Variants in TTC28 observed in about 807,000 individuals in gnomAD.
TTC28 encodes tetratricopeptide repeat protein 28.
Under a neutral mutation model 198.0 loss-of-function variants are expected in TTC28, and 61 were observed. The observed-to-expected ratio is 0.31, with a 90% CI of 0.25 to 0.38. The LOEUF is 0.38. TTC28 is among the 10% of genes least tolerant of loss of function. The pLI, the probability that TTC28 is intolerant of heterozygous loss-of-function variation, is 1.00. For synonymous variants in TTC28, 1,171 were observed against 1,297.8 expected (o/e 0.90, Z 2.10); for missense variants, 2,678 against 3,164.0 (o/e 0.85, Z 3.69).
Position 28,101,172 on chromosome 22 carries a change from T to C in TTC28, c.3416A>G (p.Gln1139Arg), listed in dbSNP as rs757991345. 4 of 1,548,752 alleles carry C rather than the reference T, an allele frequency of 2.6e-6. No homozygotes were observed. Among genetic ancestry groups the C allele is most frequent in the Non-Finnish European group, 8.7e-7 (1 of 1,145,630 alleles). The change falls in exon 9 of 23, where the codon CAG becomes CGG. Residue 1139 changes from glutamine (Q) to arginine (R), a missense_variant and splice_region_variant. Physicochemically the swap from Gln to Arg is conservative, Grantham distance 43. This residue lies in a region of TTC28 where 727 missense variants were observed against 861.9 expected (regional missense o/e 0.84). Transcript: ENST00000397906. ...ACTTCAGTCAGGGGTTCTGCTTACC[T>C]GGTGTTGGGCCTCCTCCAAGTTTCC... ...ASGNLEEAQH[Q>R]LYRASALFET...
chr22:28,212,517 G>GA (rs1927075359), intron 5 of TTC28, among the ~76,000 whole-genome samples: 1 of 132,612 alleles, frequency 7.5e-6, no homozygotes, highest in South Asian at 3.0e-4. Flanking sequence ...AAATAAACTA[G>GA]AAAATCTAGA....
intron 2 of TTC28, among the ~76,000 whole-genome samples, chr22:28,482,210 T>C (rs1036386962): frequency 1.5e-4 from 7 of 47,958 alleles, no homozygotes; most frequent in African/African-American, 5.0e-4. Context: ...GGGCAGTCTT[T>C]TTTTTTTTTT....
chr22:28,323,647 AAG>A (rs1340217664), intron 2 of TTC28, among the ~76,000 whole-genome samples: 1 of 152,212 alleles, frequency 6.6e-6, no homozygotes, highest in Non-Finnish European at 1.5e-5. Context: ...GGAAAAATCT[AAG>A]AGTTATTAGC....
chr22:28,487,191 T>C (rs1474631353), intron 2 of TTC28, among the ~76,000 whole-genome samples: 1 of 152,088 alleles, frequency 6.6e-6, no homozygotes, highest in Non-Finnish European at 1.5e-5. Context: ...CTAGTTTTTA[T>C]AGCACATGGG....
At chr22:27,990,929 C>A in intron 19 of TTC28, 117 bp from the exon 20 acceptor site, 1 of 1,040,064 alleles carries the variant, frequency 9.6e-7, no homozygotes, top group South Asian at 1.6e-5. Flanking sequence ...CCACACCAGG[C>A]CCGCGGCTCT....
chr22:28,483,030 T>C (rs2048273781), intron 2 of TTC28, among the ~76,000 whole-genome samples: 1 of 152,204 alleles, frequency 6.6e-6, no homozygotes, highest in Admixed American at 6.5e-5. Context: ...TACTATGCTA[T>C]ATATTTGTTT....
chr22:28,573,507 A>G (rs1227756744), intron 2 of TTC28, among the ~76,000 whole-genome samples: 1 of 152,024 alleles, frequency 6.6e-6, no homozygotes, highest in African/African-American at 2.4e-5. Flanking sequence ...AATAAAGAAC[A>G]GAAAAATGCA....
intron 2 of TTC28, among the ~76,000 whole-genome samples, chr22:28,512,615 G>C (rs1331765152): frequency 6.6e-6 from 1 of 152,184 alleles, no homozygotes; most frequent in African/African-American, 2.4e-5. Context: ...ATAAAATAAT[G>C]TCCTTTGCAG....
intron 2 of TTC28, among the ~76,000 whole-genome samples, chr22:28,550,509 G>A (rs550488881): frequency 6.6e-6 from 1 of 152,100 alleles, no homozygotes; most frequent in East Asian, 1.9e-4. Context: ...CACTGTTAAA[G>A]ACTAATCAAG....
At chr22:28,120,925 A>G (rs916301819) in intron 6 of TTC28, among the ~76,000 whole-genome samples, 10 of 152,226 alleles carry the variant, frequency 6.6e-5, no homozygotes, top group Admixed American at 6.5e-4. Flanking sequence ...GCATAATGCT[A>G]TCAAAACAAG....
chr22:28,528,090 A>G (rs1443603510), intron 2 of TTC28, among the ~76,000 whole-genome samples: 1 of 152,168 alleles, frequency 6.6e-6, no homozygotes, highest in Non-Finnish European at 1.5e-5. Flanking sequence ...ATTTCCAACA[A>G]ATGAAATTTG....
chr22:28,023,228 C>T (rs1381023916), intron 13 of TTC28, among the ~76,000 whole-genome samples: 4 of 152,218 alleles, frequency 2.6e-5, no homozygotes, highest in Admixed American at 2.0e-4. Context: ...CCTGCAGGAG[C>T]CACGGCAGCA....
intron 5 of TTC28, among the ~76,000 whole-genome samples, chr22:28,176,722 C>A (rs965486497): frequency 2.0e-5 from 3 of 152,090 alleles, no homozygotes; most frequent in African/African-American, 7.2e-5. Context: ...AAGAGAAATA[C>A]ATTTTTTAAT....
chr22:28,150,154 T>C (rs551666606), intron 6 of TTC28, among the ~76,000 whole-genome samples: 162 of 152,282 alleles, frequency 1.1e-3, no homozygotes, highest in Middle Eastern at 6.8e-3. Flanking sequence ...AGGTATAAAA[T>C]CATAAGCATA....
At chr22:28,585,714 C>T (rs1031120688) in intron 2 of TTC28, among the ~76,000 whole-genome samples, 11 of 152,056 alleles carry the variant, frequency 7.2e-5, no homozygotes, top group African/African-American at 2.7e-4. Flanking sequence ...CCAAGGACAC[C>T]GTGGTGGAGC....
intron 2 of TTC28, among the ~76,000 whole-genome samples, chr22:28,429,427 C>T (rs1287259633): frequency 6.6e-6 from 1 of 152,120 alleles, no homozygotes; most frequent in Non-Finnish European, 1.5e-5. Context: ...AACATACTTG[C>T]CTCGATTTAC....
At chr22:28,452,467 T>C (rs893208640) in intron 2 of TTC28, among the ~76,000 whole-genome samples, 1 of 146,776 alleles carries the variant, frequency 6.8e-6, no homozygotes, top group Non-Finnish European at 1.5e-5. Context: ...GGAAAGTGGG[T>C]CTTTTCTTAA....
At chr22:28,360,704 T>C (rs1238273740) in intron 2 of TTC28, among the ~76,000 whole-genome samples, 1 of 152,166 alleles carries the variant, frequency 6.6e-6, no homozygotes, top group Non-Finnish European at 1.5e-5. Context: ...ACTGATTGTA[T>C]AGGCATACTT....
intron 2 of TTC28, among the ~76,000 whole-genome samples, chr22:28,386,199 C>T (rs134530): frequency 0.31 from 43,654 of 139,626 alleles, 6,823 homozygotes; most frequent in Admixed American, 0.39. Context: ...GGCGTGAACC[C>T]GGGAGGCGGA....
Sources: gnomAD v4.1 joint callset for allele counts (sites outside exome capture counted in the v4.1 genomes callset) on GRCh38, gnomAD v4.1.1 for gene constraint, gnomAD v4.1.1 regional missense constraint, MANE v1.5 for transcripts, NCBI Gene and HGNC (gene_info 2026-07-23, HGNC 2026-07-21) for gene names.